ARHGEF3: variants seen among roughly 807,000 people sequenced by gnomAD.
ARHGEF3 encodes the protein Rho guanine nucleotide exchange factor 3.
A neutral mutation model predicts 63.2 loss-of-function variants in ARHGEF3; 28 were observed. The observed-to-expected ratio is 0.44, with a 90% CI of 0.33 to 0.61. ARHGEF3 has a LOEUF of 0.61. Among genes scored for constraint, ARHGEF3 ranks in the 20% least tolerant of loss-of-function variants. The probability of loss-of-function intolerance (pLI) is 0.03; values close to 1 mark genes in which losing one functional copy is unlikely to be tolerated. For missense variants in ARHGEF3, 533 were observed against 659.3 expected (o/e 0.81, Z 2.10); for synonymous variants, 266 against 254.2 (o/e 1.05, Z -0.44).
intron 2 of ARHGEF3, among the ~76,000 whole-genome samples, chr3:57,009,714 TG>T (rs1293220788): frequency 1.3e-5 from 2 of 152,120 alleles, no homozygotes; most frequent in Non-Finnish European, 2.9e-5. Flanking sequence ...GGTAAGAAGA[TG>T]GGACCTTGTT....
At chr3:57,065,825 C>T (rs561543119) in intron 1 of ARHGEF3, among the ~76,000 whole-genome samples, 5 of 152,214 alleles carry the variant, frequency 3.3e-5, no homozygotes, top group African/African-American at 1.2e-4. Flanking sequence ...GCACACACAG[C>T]CCCCTACAGC....
At chr3:56,923,012 C>G (rs2042181573) in intron 3 of ARHGEF3, among the ~76,000 whole-genome samples, 1 of 112,988 alleles carries the variant, frequency 8.9e-6, no homozygotes, top group African/African-American at 3.2e-5. Flanking sequence ...ATGGCAAAAC[C>G]CCATCTCTAC....
chr3:56,759,969 A>G (rs9851853), intron 2 of ARHGEF3, among the ~76,000 whole-genome samples: 41,612 of 152,128 alleles, frequency 0.27, 7,653 homozygotes, highest in East Asian at 0.52. Flanking sequence ...ATTCTTTTTA[A>G]TGGCTGCAGA....
At chr3:57,000,343 C>A (rs1166291973) in intron 2 of ARHGEF3, among the ~76,000 whole-genome samples, 1 of 148,660 alleles carries the variant, frequency 6.7e-6, no homozygotes, top group Admixed American at 6.8e-5. Context: ...CACACACACA[C>A]CTTAAGCATC....
chr3:56,797,094 C>A (rs59870621), intron 1 of ARHGEF3, among the ~76,000 whole-genome samples: 10,742 of 151,852 alleles, frequency 0.071, 761 homozygotes, highest in East Asian at 0.24. Flanking sequence ...CTCGTTTGAC[C>A]CTCACTATGG....
chr3:56,764,851 G>A (rs1179588985), intron 2 of ARHGEF3, among the ~76,000 whole-genome samples: 1 of 151,720 alleles, frequency 6.6e-6, no homozygotes, highest in Admixed American at 6.6e-5. Context: ...CCGCCTCCCG[G>A]GTTCGAGCAA....
chr3:56,916,320 C>A (rs1418683729), intron 3 of ARHGEF3: 1 of 1,535,524 alleles, frequency 6.5e-7, no homozygotes, highest in South Asian at 1.2e-5. Context: ...TGCGAACGGA[C>A]AAAGAGGCAG....
intron 2 of ARHGEF3, among the ~76,000 whole-genome samples, chr3:56,759,136 CTT>C (rs2035269623): frequency 6.6e-6 from 1 of 151,024 alleles, no homozygotes; most frequent in African/African-American, 2.4e-5. Flanking sequence ...TCTTTCCAAA[CTT>C]TTTCCATGCA....
chr3:57,059,301 T>G (rs1297564586), intron 1 of ARHGEF3, among the ~76,000 whole-genome samples: 3 of 152,142 alleles, frequency 2.0e-5, no homozygotes, highest in Admixed American at 2.0e-4. Flanking sequence ...GTCCAATTTT[T>G]TGGCTTCTCT....
At chr3:56,912,382 T>C (rs1394813392) in intron 3 of ARHGEF3, among the ~76,000 whole-genome samples, 1 of 152,218 alleles carries the variant, frequency 6.6e-6, no homozygotes, top group Non-Finnish European at 1.5e-5. Flanking sequence ...CTGCAGATGT[T>C]GCACATAATA....
intron 3 of ARHGEF3, among the ~76,000 whole-genome samples, chr3:56,898,210 T>G (rs1443777599): frequency 1.3e-5 from 2 of 151,868 alleles, no homozygotes; most frequent in Non-Finnish European, 2.9e-5. Context: ...TTTAGGTATG[T>G]CTTATTTATT....
chr3:57,008,587 C>T (rs1702560659), intron 2 of ARHGEF3, among the ~76,000 whole-genome samples: 1 of 152,134 alleles, frequency 6.6e-6, no homozygotes, highest in Non-Finnish European at 1.5e-5. Flanking sequence ...AGCAATTCTC[C>T]TGCCTCAGCC....
intron 1 of ARHGEF3, among the ~76,000 whole-genome samples, chr3:57,069,380 C>CAA (rs1400568677): frequency 1.5e-5 from 2 of 136,570 alleles, no homozygotes; most frequent in Admixed American, 1.4e-4. Context: ...CTCTCAAACA[C>CAA]ACACACACAC....
chr3:57,057,176 A>G (rs1186743228), intron 1 of ARHGEF3, among the ~76,000 whole-genome samples: 2 of 152,096 alleles, frequency 1.3e-5, no homozygotes, highest in Admixed American at 6.5e-5. Flanking sequence ...CAGCAGCATG[A>G]TATCGGCTCA....
chr3:56,780,065 G>A (rs576767486), intron 1 of ARHGEF3, among the ~76,000 whole-genome samples: 1 of 152,294 alleles, frequency 6.6e-6, no homozygotes, highest in Non-Finnish European at 1.5e-5. Context: ...GGTTTAAGGA[G>A]CACAAATACA....
chr3:57,035,134 C>T (rs1001046717), exon 2 of ARHGEF3: 30 of 1,548,302 alleles, frequency 1.9e-5, no homozygotes, highest in Non-Finnish European at 2.5e-5. Context: ...TGATTCATTG[C>T]TGTGGAACTG....
chr3:56,994,306 T>C (rs1015854285), intron 2 of ARHGEF3, among the ~76,000 whole-genome samples: 1 of 152,102 alleles, frequency 6.6e-6, no homozygotes, highest in Admixed American at 6.5e-5. Flanking sequence ...ATAGAAGCTC[T>C]AGTACTAAAA....
chr3:56,899,970 C>T (rs984076319), intron 3 of ARHGEF3, among the ~76,000 whole-genome samples: 4 of 152,214 alleles, frequency 2.6e-5, no homozygotes, highest in Admixed American at 6.5e-5. Flanking sequence ...CAAAAGCGTT[C>T]GCCATCCTTT....
At chr3:56,996,366 A>T (rs1701987105) in intron 2 of ARHGEF3, among the ~76,000 whole-genome samples, 1 of 152,138 alleles carries the variant, frequency 6.6e-6, no homozygotes, top group Admixed American at 6.5e-5. Flanking sequence ...CAAACCCTTG[A>T]AATTGCTATG....
Sources: gnomAD v4.1 joint callset for allele counts (sites outside exome capture counted in the v4.1 genomes callset) on GRCh38, gnomAD v4.1.1 for gene constraint, MANE v1.5 for transcripts, NCBI Gene and HGNC (gene_info 2026-07-23, HGNC 2026-07-21) for gene names.